Variants in PIK3R5 observed in about 807,000 individuals in gnomAD.
PIK3R5 encodes phosphoinositide-3-kinase regulatory subunit 5, also known as phosphoinositide 3-kinase regulatory subunit 5.
Under a neutral mutation model 94.9 loss-of-function variants are expected in PIK3R5, and 32 were observed. The ratio of observed to expected loss-of-function variants is 0.34; its 90% CI spans 0.25 to 0.45. PIK3R5 has a LOEUF of 0.45. Ranked by LOEUF, PIK3R5 falls within the 20% of genes least tolerant of loss-of-function variation. The pLI is 1.00. For missense variants in PIK3R5, 853 were observed against 1,144.6 expected, an observed-to-expected ratio of 0.75 and a Z score of 3.68; for synonymous variants, 443 against 479.4, an observed-to-expected ratio of 0.92 and a Z score of 0.99.
At position 8,942,810 on chromosome 17, in the gene PIK3R5, G is replaced by C. The variant is rs59917655; in HGVS notation, c.-14+22786C>G. Among the ~76,000 whole-genome samples, 1,385 of 152,096 alleles carry C rather than the reference G, an allele frequency of 9.1e-3. 19 individuals are homozygous for C. Among genetic ancestry groups the C allele is most frequent in the African/African-American group, 0.031 (1,305 of 41,472 alleles). Reference sequence around the variant, plus strand: ...TTTAGTAGAGAAGGGGTTTCACCGTGTTAGCCAGGATGGTCTCGATCTCCT... The same window carrying C: ...TTTAGTAGAGAAGGGGTTTCACCGTCTTAGCCAGGATGGTCTCGATCTCCT... On this transcript the variant is annotated intron_variant, in intron 1 of 18. Transcript: ENST00000447110.
chr17:8,958,200 AC>A (rs1747613852), intron 1 of PIK3R5, among the ~76,000 whole-genome samples: 1 of 151,074 alleles, frequency 6.6e-6, no homozygotes, highest in Non-Finnish European at 1.5e-5. Context: ...AATCCCAGGT[AC>A]TCAGGGGCTG....
intron 5 of PIK3R5, among the ~76,000 whole-genome samples, chr17:8,902,401 T>C (rs1003381890): frequency 1.3e-4 from 19 of 151,704 alleles, no homozygotes; most frequent in African/African-American, 4.1e-4. Flanking sequence ...ACTACAGGTG[T>C]ATGCCACCAC....
rs994641109 is a variant in PIK3R5, at chr17:8,896,214, A to C, written c.413-2559T>G. The stretch of plus-strand genomic sequence containing the variant: ...ACCCTCCATGGGCTTGGTTTTCACA[A>C]TGTTACCTGGTGATGCCAGGGAGGC... On this transcript the variant is annotated intron_variant, in intron 5 of 18. Coordinates refer to ENST00000447110, the MANE Select transcript of PIK3R5 (RefSeq NM_001142633.3). The surrounding 1 kb of genome is among the most constrained non-coding windows in gnomAD (Gnocchi z 4.0). 6.6e-6 allele frequency among the ~76,000 whole-genome samples: 1 copy of C among 152,072 alleles called. No individual in the cohort carries two copies. Among genetic ancestry groups the C allele is most frequent in the Non-Finnish European group, 1.5e-5 (1 of 68,016 alleles).
In PIK3R5 at chr17:8,945,108, C is replaced by T. The variant is rs577062394; in HGVS notation, c.-14+20488G>A. On this transcript the variant is annotated intron_variant, in intron 1 of 18. Transcript: ENST00000447110. This position sits in a 1 kb window ranked among gnomAD's most constrained non-coding sequence, Gnocchi z 4.0. ...TGGCAAAGCTTTCTCATTGTTTCAG[C>T]TGTGGCAGGCTTCTAGCCAAACCCT... Among the ~76,000 whole-genome samples the T allele has an allele frequency of 1.8e-4, 28 of 152,298 alleles. No homozygotes were observed. Among genetic ancestry groups the T allele is most frequent in the African/African-American group, 5.8e-4 (24 of 41,558 alleles).
chr17:8,960,531 T>C (rs189504318), intron 1 of PIK3R5, among the ~76,000 whole-genome samples: 1 of 152,268 alleles, frequency 6.6e-6, no homozygotes, highest in African/African-American at 2.4e-5. Flanking sequence ...GTGCGCTCCA[T>C]GCAGAAGTGT....
At chr17:8,964,646 GTAGGGT>G in intron 1 of PIK3R5, among the ~76,000 whole-genome samples, 1 of 152,326 alleles carries the variant, frequency 6.6e-6, no homozygotes, top group Non-Finnish European at 1.5e-5. Flanking sequence ...AAGCCACGTT[GTAGGGT>G]TGGCTCCAAG....
chr17:8,939,395 T>C (rs768239450), intron 1 of PIK3R5, among the ~76,000 whole-genome samples: 1 of 152,138 alleles, frequency 6.6e-6, no homozygotes, highest in African/African-American at 2.4e-5. Context: ...ATACACAGAA[T>C]TGCAAAGGAA....
chr17:8,885,993 C>T (rs1204696552), intron 14 of PIK3R5, among the ~76,000 whole-genome samples: 1 of 151,474 alleles, frequency 6.6e-6, no homozygotes, highest in African/African-American at 2.4e-5. Flanking sequence ...CTGGGTAACC[C>T]TACCTTCCCG....
At chr17:8,919,870 CT>C (rs1204375092) in intron 1 of PIK3R5, among the ~76,000 whole-genome samples, 1 of 147,538 alleles carries the variant, frequency 6.8e-6, no homozygotes, top group Non-Finnish European at 1.5e-5. Flanking sequence ...CTTTCTTTCT[CT>C]TTTTTTCTTT....
In PIK3R5 at chr17:8,893,046, C is replaced by CTGTG. The variant is rs199732856; in HGVS notation, c.482+536_482+539dup. ...GTAACCAGGATACATTTCATTTCAG[C>CTGTG]TGTGTGTGTGTGTGTGTGTGTGTGT... On this transcript the variant is annotated intron_variant, in intron 6 of 18. Coordinates refer to ENST00000447110, the MANE Select transcript of PIK3R5 (RefSeq NM_001142633.3). This position sits in a 1 kb window ranked among gnomAD's most constrained non-coding sequence, Gnocchi z 5.1. Among the ~76,000 whole-genome samples, 1,022 of 135,854 alleles carry CTGTG rather than the reference C, an allele frequency of 7.5e-3. 5 individuals are homozygous for CTGTG. The highest frequency in any genetic ancestry group is 0.016 in the East Asian group (75 of 4,826). 89.1% of individuals were successfully genotyped at this position (135,854 alleles called of 152,430 possible). A position where few individuals can be genotyped will look rare whatever the true frequency, so the allele number is the denominator to read the frequency against.
intron 1 of PIK3R5, among the ~76,000 whole-genome samples, chr17:8,934,698 C>T (rs1045537925): frequency 1.3e-5 from 2 of 151,950 alleles, no homozygotes; most frequent in Non-Finnish European, 2.9e-5. Flanking sequence ...CTGGTACTGA[C>T]GATTTAAGCA....
chr17:8,919,299 G>A (rs377265831), intron 1 of PIK3R5, among the ~76,000 whole-genome samples: 36 of 152,304 alleles, frequency 2.4e-4, no homozygotes, highest in African/African-American at 8.7e-4. Flanking sequence ...TGGTAGACAT[G>A]GCTCTAAGAC....
chr17:8,939,583 CA>C (rs2091137557), intron 1 of PIK3R5, among the ~76,000 whole-genome samples: 1 of 152,216 alleles, frequency 6.6e-6, no homozygotes, highest in East Asian at 1.9e-4. Flanking sequence ...TCTGCAACCT[CA>C]AAGTGACACG....
rs2089672272 is a variant in PIK3R5 at position 8,881,845 on chromosome 17, C to G, written c.2242G>C (p.Glu748Gln). 3.1e-6 allele frequency: 5 copies of G among 1,614,142 alleles called. No homozygotes were observed. Among genetic ancestry groups the G allele is most frequent in the Non-Finnish European group, 4.2e-6 (5 of 1,179,986 alleles). Residue 748 changes from glutamate to glutamine, a missense_variant, in exon 16 of 19, where the codon GAG (glutamate) becomes CAG (glutamine). This residue lies in a region of PIK3R5 where 173 missense variants were observed against 274.1 expected (regional missense o/e 0.63). Coordinates refer to ENST00000447110, the MANE Select transcript of PIK3R5 (RefSeq NM_001142633.3). This position sits in a 1 kb window ranked among gnomAD's most constrained non-coding sequence, Gnocchi z 4.8. ...ISGRSRWSNLEKVCTSVNLNK... is the reference protein window; with the variant it reads ...ISGRSRWSNLQKVCTSVNLNK... ...AGGTTCACGGAGGTACAGACCTTCT[C>G]CAGGTTGCTCCAGCGACTTCGTCCA...
intron 1 of PIK3R5, among the ~76,000 whole-genome samples, chr17:8,963,692 G>A (rs981433845): frequency 3.3e-5 from 5 of 151,974 alleles, no homozygotes; most frequent in Non-Finnish European, 7.4e-5. Context: ...TATTCTTGAG[G>A]GCAATAATCA....
chr17:8,886,137 C>T (rs1567633560), intron 14 of PIK3R5, 92 bp downstream of exon 14: 3 of 966,860 alleles, frequency 3.1e-6, no homozygotes, highest in Non-Finnish European at 3.2e-6. Context: ...TTCCCATGGC[C>T]CCACCTCCCA....
intron 1 of PIK3R5, among the ~76,000 whole-genome samples, chr17:8,962,634 C>T (rs1020031743): frequency 2.0e-4 from 31 of 152,098 alleles, no homozygotes; most frequent in Non-Finnish European, 3.5e-4. Flanking sequence ...GTAAGATGCA[C>T]CGTTATTTTG....
Position 8,948,064 on chromosome 17 carries a change from AAAG to A in PIK3R5, c.-14+17529_-14+17531del, listed in dbSNP as rs1294919919. ...TCTTAAAAAAAAAAAAAAAAAAAAAAAAGAAAAGAAAAGAAAAGAAAAAGAAAA... is the reference window on the plus strand; with the variant it reads ...TCTTAAAAAAAAAAAAAAAAAAAAAAAAAAGAAAAGAAAAGAAAAAGAAAA... On this transcript the variant is annotated intron_variant, in intron 1 of 18. Transcript: ENST00000447110. 2.5e-3 allele frequency among the ~76,000 whole-genome samples: 366 copies of A among 145,806 alleles called. 3 individuals carry two copies. The highest frequency in any genetic ancestry group is 8.9e-3 in the African/African-American group (329 of 36,854).
chr17:8,943,529 T>C (rs1224859413), intron 1 of PIK3R5, among the ~76,000 whole-genome samples: 2 of 152,180 alleles, frequency 1.3e-5, no homozygotes, highest in East Asian at 3.9e-4. Context: ...TCCCAGCACT[T>C]TGGGAGGCCG....
Sources: gnomAD v4.1 joint callset for allele counts (sites outside exome capture counted in the v4.1 genomes callset) on GRCh38, gnomAD v4.1.1 for gene constraint, gnomAD v4.1.1 regional missense constraint, Gnocchi (gnomAD v3.1) non-coding constraint, MANE v1.5 for transcripts, NCBI Gene and HGNC (gene_info 2026-07-23, HGNC 2026-07-21) for gene names.